PAFAH1B1: variants seen among roughly 807,000 people sequenced by gnomAD.
PAFAH1B1 encodes platelet activating factor acetylhydrolase 1b regulatory subunit 1, also known as platelet-activating factor acetylhydrolase IB subunit beta.
PAFAH1B1 carries 2 observed loss-of-function variants against 57.5 expected under a neutral mutation model. The ratio of observed to expected loss-of-function variants is 0.03; its 90% CI spans 0.01 to 0.11. The LOEUF is 0.11. PAFAH1B1 is among the 10% of genes least tolerant of loss of function. The probability of loss-of-function intolerance (pLI) is 1.00; values close to 1 mark genes in which losing one functional copy is unlikely to be tolerated. For synonymous variants in PAFAH1B1, 152 were observed against 169.6 expected (o/e 0.90, Z 0.81); for missense variants, 257 against 512.0 (o/e 0.50, Z 4.81).
At chr17:2,598,091 AC>A (rs2068104054) in intron 1 of PAFAH1B1, among the ~76,000 whole-genome samples, 1 of 151,972 alleles carries the variant, frequency 6.6e-6, no homozygotes, top group African/African-American at 2.4e-5. Flanking sequence ...TACTAAAAAT[AC>A]AAAAAAATTA....
intron 2 of PAFAH1B1, among the ~76,000 whole-genome samples, chr17:2,657,071 T>G (rs1284040171): frequency 1.3e-5 from 2 of 152,180 alleles, no homozygotes; most frequent in Admixed American, 1.3e-4. Context: ...GTAATAGGAA[T>G]GATTATAGCA....
At chr17:2,669,406 C>T (rs970055797) in intron 5 of PAFAH1B1, among the ~76,000 whole-genome samples, 5 of 151,878 alleles carry the variant, frequency 3.3e-5, no homozygotes, top group African/African-American at 1.2e-4. Context: ...GGAGTACAGG[C>T]GCCCACCACT....
chr17:2,630,790 G>A lies in PAFAH1B1; in HGVS notation c.-190-7309G>A, dbSNP rs561812382. Among the ~76,000 whole-genome samples the A allele has an allele frequency of 7.9e-5, 12 of 152,282 alleles. No homozygotes were observed. In the East Asian group the frequency reaches 2.3e-3, roughly 29 times the overall value. Reference sequence around the variant, plus strand: ...TAAGATAATCCCAGACGTCTTGGAAGCTTTGTTCATATTTTCTTATTCTTT... The same window carrying A: ...TAAGATAATCCCAGACGTCTTGGAAACTTTGTTCATATTTTCTTATTCTTT... On this transcript the variant is annotated intron_variant, in intron 1 of 10. Transcript: ENST00000397195.
In PAFAH1B1 at chr17:2,630,080, C is replaced by A. The variant is rs1428040621; in HGVS notation, c.-190-8019C>A. ...TTAAGTGGAGTATTTAGTCCATTTC[C>A]ATTCAATGTTAGTATTGAAATGTGA... On this transcript the variant is annotated intron_variant, in intron 1 of 10. Transcript: ENST00000397195. 3.9e-5 allele frequency among the ~76,000 whole-genome samples: 6 copies of A among 152,172 alleles called. No homozygotes were observed. The East Asian group carries it at 1.2e-3, about 29-fold the overall frequency.
At chr17:2,678,415 A>C (rs1160503192) in intron 9 of PAFAH1B1, among the ~76,000 whole-genome samples, 10 of 147,046 alleles carry the variant, frequency 6.8e-5, no homozygotes, top group South Asian at 2.2e-4. Flanking sequence ...AAAAAAAAAA[A>C]AAAACCCGGG....
chr17:2,679,626 A>T (rs2069344377), intron 9 of PAFAH1B1: 1 of 119,942 alleles, frequency 8.3e-6, no homozygotes, highest in Non-Finnish European at 1.7e-5. Flanking sequence ...GGATGATTGG[A>T]TGATTGGATG....
At chr17:2,644,715 A>G (rs1378415838) in intron 2 of PAFAH1B1, among the ~76,000 whole-genome samples, 1 of 152,116 alleles carries the variant, frequency 6.6e-6, no homozygotes, top group East Asian at 1.9e-4. Flanking sequence ...CCTTTGTATT[A>G]TTTGGAGGTA....
chr17:2,598,317 CA>C (rs2068106294), intron 1 of PAFAH1B1, among the ~76,000 whole-genome samples: 1 of 151,984 alleles, frequency 6.6e-6, no homozygotes, highest in Non-Finnish European at 1.5e-5. Flanking sequence ...AATATTAGGG[CA>C]GAGTGAATTT....
chr17:2,626,494 T>G (rs2068492232), intron 1 of PAFAH1B1, among the ~76,000 whole-genome samples: 1 of 145,124 alleles, frequency 6.9e-6, no homozygotes, highest in African/African-American at 2.6e-5. Flanking sequence ...TGTAGAAAAT[T>G]TAGATTAATT....
intron 2 of PAFAH1B1, among the ~76,000 whole-genome samples, chr17:2,643,630 G>A (rs2068726022): frequency 6.6e-6 from 1 of 151,440 alleles, no homozygotes; most frequent in African/African-American, 2.4e-5. Context: ...GGTGATCTCA[G>A]CTCCCTGCAA....
chr17:2,645,251 A>T (rs2068751936), intron 2 of PAFAH1B1, among the ~76,000 whole-genome samples: 1 of 152,090 alleles, frequency 6.6e-6, no homozygotes, highest in Admixed American at 6.6e-5. Context: ...GTCAAAAAAC[A>T]AAAACAAAAG....
At chr17:2,615,450 C>CT (rs777507238) in intron 1 of PAFAH1B1, among the ~76,000 whole-genome samples, 9 of 151,882 alleles carry the variant, frequency 5.9e-5, no homozygotes, top group Non-Finnish European at 5.9e-5. Context: ...TTCTTTCTTT[C>CT]TTTTTTTTGA....
intron 5 of PAFAH1B1, 80 bp from the exon 6 acceptor site, chr17:2,670,083 G>GA (rs1400225559): frequency 5.2e-6 from 6 of 1,153,186 alleles, no homozygotes; most frequent in African/African-American, 1.5e-5. Flanking sequence ...TAAGGTGCCA[G>GA]ACTGGCCTGC....
intron 1 of PAFAH1B1, among the ~76,000 whole-genome samples, chr17:2,599,971 C>CTTTTTTTTTTT (rs34442256): frequency 3.6e-5 from 3 of 82,794 alleles, no homozygotes; most frequent in African/African-American, 4.9e-5. Context: ...CATTTTTAAC[C>CTTTTTTTTTTT]TTTTTTTTTT....
chr17:2,605,984 A>G (rs1280959073), intron 1 of PAFAH1B1, among the ~76,000 whole-genome samples: 1 of 152,198 alleles, frequency 6.6e-6, no homozygotes, highest in Non-Finnish European at 1.5e-5. Flanking sequence ...TACTTTGCTT[A>G]TGTATATAAA....
chr17:2,681,532 C>T (rs926529343), intron 10 of PAFAH1B1, 197 bp from the exon 11 acceptor site: 9 of 570,970 alleles, frequency 1.6e-5, no homozygotes, highest in Admixed American at 1.2e-4. Flanking sequence ...GTGGTGCAGT[C>T]ATGGCTCGCT....
In PAFAH1B1 at chr17:2,681,754, C is replaced by T. The variant is rs1295018167; in HGVS notation, c.1185C>T (p.Val395=). 6.8e-6 allele frequency: 11 copies of T among 1,612,812 alleles called. No homozygotes were observed. The highest frequency in any genetic ancestry group is 2.7e-5 in the African/African-American group (2 of 74,816). ...ATTTCCACAAGACGGCACCCTATGT[C>T]GTCACTGGCAGCGTAGATCAAACAG... ...SLDFHKTAPY[V]VTGSVDQTVK... is the part of the protein sequence containing the mutation. Residue 395 remains valine, a synonymous_variant, in exon 11 of 11, where the codon GTC becomes GTT. Coordinates refer to ENST00000397195, the MANE Select transcript of PAFAH1B1 (RefSeq NM_000430.4).
At chr17:2,678,723 A>G (rs1263837977) in intron 9 of PAFAH1B1, among the ~76,000 whole-genome samples, 1 of 152,138 alleles carries the variant, frequency 6.6e-6, no homozygotes, top group East Asian at 1.9e-4. Context: ...CTACCAAAAT[A>G]AAAGTTTAAA....
At chr17:2,648,424 C>T (rs1042103368) in intron 2 of PAFAH1B1, among the ~76,000 whole-genome samples, 2 of 152,122 alleles carry the variant, frequency 1.3e-5, no homozygotes, top group Non-Finnish European at 2.9e-5. Flanking sequence ...CACCTGTAAT[C>T]CCAGCACTTT....
Sources: allele counts gnomAD v4.1 joint callset (sites outside exome capture counted in the v4.1 genomes callset), GRCh38; gene constraint gnomAD v4.1.1; transcripts MANE v1.5; gene names NCBI Gene and HGNC (gene_info 2026-07-23, HGNC 2026-07-21).